The following QRICH2 variants were observed in gnomAD, a reference collection of about 807,000 sequenced individuals.
QRICH2 encodes the protein glutamine-rich protein 2.
A neutral mutation model predicts 168.3 loss-of-function variants in QRICH2; 119 were observed. That is an observed-to-expected ratio of 0.71 (90% CI 0.61 to 0.82). QRICH2 has a LOEUF of 0.82. Among genes scored for constraint, QRICH2 ranks in the 40% least tolerant of loss-of-function variants. The probability of loss-of-function intolerance (pLI) is 0.00; values close to 1 mark genes in which losing one functional copy is unlikely to be tolerated. For synonymous variants in QRICH2, 894 were observed against 951.2 expected, an observed-to-expected ratio of 0.94 and a Z score of 1.11; for missense variants, 2,241 against 2,491.6, an observed-to-expected ratio of 0.90 and a Z score of 2.14.
In QRICH2 at chr17:76,277,315, G is replaced by T; in HGVS notation, c.5118-5C>A. 1 of 1,609,466 alleles carries T rather than the reference G, an allele frequency of 6.2e-7. No individual in the cohort carries two copies. Among genetic ancestry groups the T allele is most frequent in the South Asian group, 1.1e-5 (1 of 90,426 alleles). On this transcript the variant is annotated splice_region_variant and splice_polypyrimidine_tract_variant and intron_variant, in intron 15 of 18. Transcript: ENST00000680821. ...TAATCAGCCATATCTGTCACCCTGT[G>T]ATGAAGACAGGATGGAGTCATTGGG...
In QRICH2 at chr17:76,279,377, T is replaced by C. The variant is rs1598478336; in HGVS notation, c.4800A>G (p.Thr1600=). The C allele has an allele frequency of 1.9e-6, 3 of 1,612,710 alleles. No individual in the cohort carries two copies. In the East Asian group the frequency reaches 6.7e-5, roughly 36 times the overall value. The part of the protein sequence containing the change: ...HCLSCDRPLE[T]PVTGHAIPVT... ...TGGGCACTCACTGTCCAGTCACAGG[T>C]GTCTCCAAGGGCCGGTCACATGAGA... Residue 1600 remains threonine (T), a synonymous_variant, in exon 13 of 19, where the codon ACA becomes ACG. Transcript: ENST00000680821.
chr17:76,298,735 C>A (rs2070846060), intron 3 of QRICH2, among the ~76,000 whole-genome samples: 1 of 152,058 alleles, frequency 6.6e-6, no homozygotes, highest in African/African-American at 2.4e-5. Context: ...CCTGCCTCGG[C>A]CTCCCGAGTA....
At chr17:76,287,116 G>C in intron 7 of QRICH2, 76 bp downstream of exon 7, 3 of 854,594 alleles carry the variant, frequency 3.5e-6, no homozygotes, top group South Asian at 1.3e-5. Flanking sequence ...TTTTTGATGA[G>C]AGGTGGGAGG....
At chr17:76,275,765 C>A in intron 18 of QRICH2, 54 bp downstream of exon 18, 2 of 1,580,962 alleles carry the variant, frequency 1.3e-6, no homozygotes, top group Non-Finnish European at 1.7e-6. Flanking sequence ...GGAAAGGGGG[C>A]CGGCAGGGCC....
chr17:76,300,860 TGGC>T lies in QRICH2; in HGVS notation c.705+3552_705+3554del, dbSNP rs200235186. Among the ~76,000 whole-genome samples, 811 of 152,270 alleles carry T rather than the reference TGGC, an allele frequency of 5.3e-3. 6 individuals are homozygous for T. Among genetic ancestry groups the T allele is most frequent in the African/African-American group, 0.019 (774 of 41,560 alleles). On this transcript the variant is annotated intron_variant, in intron 3 of 18. Transcript: ENST00000680821. Reference sequence around the variant, plus strand: ...CGAGGTCAGGAGTTTAAGACCAGCCTGGCCAACACGGTGAAACCCCATCTTTAC... The same window carrying T: ...CGAGGTCAGGAGTTTAAGACCAGCCTCAACACGGTGAAACCCCATCTTTAC...
Position 76,291,060 on chromosome 17 carries a change from C to G in QRICH2, c.3667G>C (p.Gly1223Arg). The change falls in exon 4 of 19, where the codon GGC (glycine) becomes CGC (arginine). Residue 1223 changes from glycine to arginine, a missense_variant. Coordinates refer to ENST00000680821, the MANE Select transcript of QRICH2 (RefSeq NM_001388453.1). ...SMKDLDEEQA[G>R]QTDLEKIQFL... is the part of the protein sequence containing the mutation. The stretch of plus-strand genomic sequence containing the variant: ...TGGATCTTCTCCAAGTCGGTTTGGC[C>G]GGCCTGCTCCTCATCCAGATCCTTC... 1 of 1,614,034 alleles carries G rather than the reference C, an allele frequency of 6.2e-7. No homozygotes were observed. The highest frequency in any genetic ancestry group is 1.1e-5 in the South Asian group (1 of 91,082).
upstream of QRICH2, among the ~76,000 whole-genome samples, chr17:76,309,142 G>A (rs1470412587): frequency 6.7e-6 from 1 of 149,224 alleles, no homozygotes; most frequent in African/African-American, 2.4e-5. Flanking sequence ...TGGATCACCT[G>A]AGGTAAGGGG....
chr17:76,282,941 G>C (rs752103502), intron 7 of QRICH2, among the ~76,000 whole-genome samples: 1 of 152,206 alleles, frequency 6.6e-6, no homozygotes, highest in Non-Finnish European at 1.5e-5. Context: ...TGGAATGGGA[G>C]AGTGACGTGG....
chr17:76,288,153 G>A (rs1192710467), intron 5 of QRICH2, among the ~76,000 whole-genome samples: 2 of 151,984 alleles, frequency 1.3e-5, no homozygotes, highest in Non-Finnish European at 2.9e-5. Context: ...AGAGGCCGAG[G>A]CGGGTGGATC....
At chr17:76,286,323 G>T (rs1449138343) in intron 7 of QRICH2, among the ~76,000 whole-genome samples, 1 of 152,190 alleles carries the variant, frequency 6.6e-6, no homozygotes, top group Non-Finnish European at 1.5e-5. Flanking sequence ...CCATAAAAAA[G>T]AATGGAGTAT....
Position 76,307,751 on chromosome 17 carries a change from G to C in QRICH2, c.248C>G (p.Ala83Gly), listed in dbSNP as rs3803738. ...LPAPKEVPKG[A>G]PREKRRGVGQ... ...CACGCCCCTGCGCTTCTCCCGGGGCGCCCCCTTGGGCACCTCCTTGGGCGC... is the reference window on the plus strand; with the variant it reads ...CACGCCCCTGCGCTTCTCCCGGGGCCCCCCCTTGGGCACCTCCTTGGGCGC... The change falls in exon 1 of 19, where the codon GCG (alanine) becomes GGG (glycine). Residue 83 changes from alanine (A) to glycine (G), a missense_variant. Physicochemically the swap from Ala to Gly is moderately conservative, Grantham distance 60. Coordinates refer to ENST00000680821, the MANE Select transcript of QRICH2 (RefSeq NM_001388453.1). This position sits in a 1 kb window ranked among gnomAD's most constrained non-coding sequence, Gnocchi z 5.3. 0.25 allele frequency: 345,982 copies of C among 1,373,556 alleles called. 45,607 individuals carry two copies. The highest frequency in any genetic ancestry group is 0.54 in the East Asian group (18,971 of 35,048). The allele number at this position is 1,373,556 out of a possible 1,614,324, so 85.1% of individuals were successfully genotyped here. A position where few individuals can be genotyped will look rare whatever the true frequency, so the allele number is the denominator to read the frequency against.
At position 76,293,497 on chromosome 17, in the gene QRICH2, A is replaced by G. The variant is rs770714876; in HGVS notation, c.1230T>C (p.His410=). The change falls in exon 4 of 19, where the codon CAT becomes CAC. Residue 410 remains histidine (H), a synonymous_variant. Transcript: ENST00000680821. ...PGLVPASTYP[H]GVVPLSMGQL... is the part of the protein sequence containing the mutation. Reference sequence around the variant, plus strand: ...GACCCATGCTGAGGGGTACCACACCATGTGGGTAAGTGCTAGCAGGCACTA... The same window carrying G: ...GACCCATGCTGAGGGGTACCACACCGTGTGGGTAAGTGCTAGCAGGCACTA... 2.5e-6 allele frequency: 4 copies of G among 1,614,094 alleles called. No individual in the cohort carries two copies. In the African/African-American group the frequency reaches 5.3e-5, roughly 22 times the overall value.
chr17:76,294,109 G>C (rs535693413), intron 3 of QRICH2, 88 bp from the exon 4 acceptor site: 2 of 1,482,724 alleles, frequency 1.3e-6, no homozygotes, highest in African/African-American at 2.8e-5. Context: ...TTCTGACTAG[G>C]ATGATTTAGG....
chr17:76,274,132 C>T lies in QRICH2; in HGVS notation c.5611G>A (p.Gly1871Arg), dbSNP rs937485741. ...GLERHVDMPP[G>R]EGLEEPTRGP... ...CGCGTGGGCTCCTCGAGCCCCTCCC[C>T]AGGAGGCATGTCCACGTGCCTCTCC... The change falls in exon 19 of 19, where the codon GGG (glycine) becomes AGG (arginine). Residue 1871 changes from glycine (G) to arginine (R), a missense_variant. Around this residue, in one of 3 missense-constraint regions of QRICH2, gnomAD observed 189 missense variants for 169.3 expected, o/e 1.12. Transcript: ENST00000680821. 4.4e-6 allele frequency: 7 copies of T among 1,591,806 alleles called. No individual in the cohort carries two copies. In the Admixed American group the frequency reaches 9.2e-5, roughly 21 times the overall value.
chr17:76,308,170 C>A lies in QRICH2; in HGVS notation c.-172G>T. On this transcript the variant is annotated 5_prime_UTR_variant, in exon 1 of 19. Transcript: ENST00000680821. Reference sequence around the variant, plus strand: ...TCCTGCCTCCAGGGAATCTGCGCCTCCGCTCCCCGGCGGGGTCCGCGATGG... The same window carrying A: ...TCCTGCCTCCAGGGAATCTGCGCCTACGCTCCCCGGCGGGGTCCGCGATGG... 1.0e-6 allele frequency: 1 copy of A among 985,412 alleles called. No individual in the cohort carries two copies. The allele number at this position is 985,412 out of a possible 1,614,324, so 61.0% of individuals were successfully genotyped here.
chr17:76,295,437 T>C (rs1220317780), intron 3 of QRICH2, among the ~76,000 whole-genome samples: 4 of 151,596 alleles, frequency 2.6e-5, no homozygotes, highest in Non-Finnish European at 2.9e-5. Flanking sequence ...GGTGGATCAT[T>C]TGAGGTCAGG....
intron 7 of QRICH2, 83 bp from the exon 8 acceptor site, chr17:76,282,198 T>G: frequency 1.4e-6 from 2 of 1,480,828 alleles, no homozygotes; most frequent in Non-Finnish European, 1.8e-6. Flanking sequence ...GCCCCTAGCC[T>G]GTGTGCCTCT....
At chr17:76,287,999 TA>T in intron 5 of QRICH2, 102 bp from the exon 6 acceptor site, 1 of 865,428 alleles carries the variant, frequency 1.2e-6, no homozygotes, top group Non-Finnish European at 2.0e-6. Context: ...TTCCCTCTAC[TA>T]ACCCAACCCC....
Position 76,276,025 on chromosome 17 carries a change from G to C in QRICH2, c.5354-78C>G. ...GTGGGAACCCCTGGGGGTGGGGAGA[G>C]GGCCGCAGGGCTGCTGGTCATGGCC... On this transcript the variant is annotated intron_variant, in intron 17 of 18. Transcript: ENST00000680821. The C allele has an allele frequency of 2.6e-6, 4 of 1,536,962 alleles. No homozygotes were observed. In the South Asian group the frequency reaches 3.4e-5, roughly 13 times the overall value.
Sources: gnomAD v4.1 joint callset for allele counts (sites outside exome capture counted in the v4.1 genomes callset) on GRCh38, gnomAD v4.1.1 for gene constraint, gnomAD v4.1.1 regional missense constraint, Gnocchi (gnomAD v3.1) non-coding constraint, MANE v1.5 for transcripts, NCBI Gene and HGNC (gene_info 2026-07-23, HGNC 2026-07-21) for gene names.